Variants in A2M observed in about 807,000 individuals in gnomAD.
A2M encodes the protein C3 and PZP-like alpha-2-macroglobulin domain-containing protein 5.
Under a neutral mutation model 183.9 loss-of-function variants are expected in A2M, and 128 were observed. That is an observed-to-expected ratio of 0.70 (90% CI 0.60 to 0.81). The LOEUF is 0.81. Ranked by LOEUF, A2M falls within the 30% of genes least tolerant of loss-of-function variation. A2M has a pLI of 0.00. For synonymous variants in A2M, 592 were observed against 670.8 expected (o/e 0.88, Z 1.81); for missense variants, 1,495 against 1,787.6 (o/e 0.84, Z 2.95).
chr12:9,076,913 C>A lies in A2M; in HGVS notation c.3375G>T (p.Leu1125=). Residue 1125 remains leucine, a synonymous_variant, in exon 28 of 36, where the codon CTG becomes CTT. Transcript: ENST00000318602. ...TVTHPVVRNA[L]FCLESAWKTA... is the part of the protein sequence containing the mutation. ...TCTTCCAGGCTGACTCCAGGCAAAA[C>A]AGGGCATTGCGGACAACAGGGTGCT... 1.2e-6 allele frequency: 2 copies of A among 1,603,606 alleles called. No homozygotes were observed. Among genetic ancestry groups the A allele is most frequent in the South Asian group, 2.2e-5 (2 of 89,418 alleles).
upstream of A2M, chr12:9,116,199 C>T (rs1414693521): frequency 3.1e-6 from 1 of 324,408 alleles, no homozygotes; most frequent in African/African-American, 2.2e-5. Flanking sequence ...CCTCACAACG[C>T]CTTTTATGGT....
chr12:9,073,510 T>C (rs746886422), intron 29 of A2M, among the ~76,000 whole-genome samples: 1 of 152,226 alleles, frequency 6.6e-6, no homozygotes, highest in Non-Finnish European at 1.5e-5. Flanking sequence ...CTTCAAATAA[T>C]ATGTTTCTAA....
chr12:9,070,289 T>C (rs946983558), intron 32 of A2M, among the ~76,000 whole-genome samples, 199 bp downstream of exon 32: 3 of 152,230 alleles, frequency 2.0e-5, no homozygotes, highest in Non-Finnish European at 4.4e-5. Context: ...CTTTTTCTTG[T>C]AGTCATGGGT....
At chr12:9,094,878 TTTTG>T in intron 17 of A2M, 91 bp downstream of exon 17, 2 of 607,034 alleles carry the variant, frequency 3.3e-6, no homozygotes, top group South Asian at 7.8e-5. Flanking sequence ...CACATGTCCT[TTTTG>T]TTTGTTAATT....
chr12:9,113,602 A>G, intron 1 of A2M, 59 bp from the exon 2 acceptor site: 8 of 1,502,438 alleles, frequency 5.3e-6, no homozygotes, highest in Non-Finnish European at 6.4e-6. Flanking sequence ...TGCTATCAAC[A>G]GCACTTTTTT....
At chr12:9,105,500 A>C (rs771768497) in intron 10 of A2M, among the ~76,000 whole-genome samples, 3 of 152,170 alleles carry the variant, frequency 2.0e-5, no homozygotes, top group Non-Finnish European at 2.9e-5. Flanking sequence ...CATAGCTGAA[A>C]TCCTGTAACA....
intron 8 of A2M, 63 bp from the exon 9 acceptor site, chr12:9,106,668 C>A: frequency 2.4e-6 from 2 of 820,244 alleles, no homozygotes; most frequent in South Asian, 3.7e-5. Context: ...GATCAGTGGT[C>A]AGATAACCGG....
At chr12:9,099,287 C>A (rs1949478662) in intron 14 of A2M, 94 bp downstream of exon 14, 1 of 1,231,074 alleles carries the variant, frequency 8.1e-7, no homozygotes, top group African/African-American at 1.5e-5. Flanking sequence ...TTGTTTAACC[C>A]TTTTGGCCCT....
rs1424968408 is a variant in A2M at position 9,115,826 on chromosome 12, A to T, written c.24T>A (p.His8Gln). ...CCAAGAGGAGAAGAACCAGACTTGGATGAAGGAGTTTGTTCTTCCCCATGT... is the reference window on the plus strand; with the variant it reads ...CCAAGAGGAGAAGAACCAGACTTGGTTGAAGGAGTTTGTTCTTCCCCATGT... MGKNKLL[H>Q]PSLVLLLLVL... Residue 8 changes from histidine to glutamine, a missense_variant, in exon 1 of 36, where the codon CAT (histidine) becomes CAA (glutamine). Physicochemically the swap from His to Gln is conservative, Grantham distance 24. Transcript: ENST00000318602. The T allele has an allele frequency of 1.2e-6, 2 of 1,613,328 alleles. No homozygotes were observed. Among genetic ancestry groups the T allele is most frequent in the East Asian group, 4.5e-5 (2 of 44,882 alleles).
chr12:9,111,470 T>C (rs1938722297), intron 4 of A2M: 1 of 452,932 alleles, frequency 2.2e-6, no homozygotes, highest in African/African-American at 2.0e-5. Flanking sequence ...GAGATGACAT[T>C]GACTAGGACT....
At chr12:9,098,002 C>T (rs1949436638) in intron 15 of A2M, among the ~76,000 whole-genome samples, 1 of 152,190 alleles carries the variant, frequency 6.6e-6, no homozygotes, top group African/African-American at 2.4e-5. Flanking sequence ...ATATGTATCA[C>T]TTTTGTTAGG....
In A2M at chr12:9,109,391, C is replaced by A; in HGVS notation, c.688G>T (p.Glu230Ter). The A allele has an allele frequency of 6.2e-7, 1 of 1,612,756 alleles. No individual in the cohort carries two copies. The highest frequency in any genetic ancestry group is 1.3e-5 in the African/African-American group (1 of 75,024). ...ATCTTTGGCACTGTTACTTGTACTT[C>A]AAACTTGGGAAGAACTGTTGATTGG... Reference protein sequence around the residue: ...TVEEFVLPKFEVQVTVPKIIT... With the variant: ...TVEEFVLPKF The change falls in exon 7 of 36, where the codon GAA (glutamate) becomes TAA (stop). Residue 230 changes from glutamate (E) to a stop codon, truncating the protein, a stop_gained. Transcript: ENST00000318602. LOFTEE classifies it high-confidence loss of function.
At chr12:9,086,983 GT>G (rs1264316723) in intron 22 of A2M, among the ~76,000 whole-genome samples, 1 of 152,100 alleles carries the variant, frequency 6.6e-6, no homozygotes, top group East Asian at 1.9e-4. Context: ...AGTATTTTCT[GT>G]TCACTAACAA....
intron 18 of A2M, among the ~76,000 whole-genome samples, chr12:9,093,109 C>T (rs1030953881): frequency 1.8e-4 from 28 of 152,200 alleles, no homozygotes; most frequent in African/African-American, 6.5e-4. Flanking sequence ...TGGGAAGAAG[C>T]AGGTCAAAGG....
intron 8 of A2M, among the ~76,000 whole-genome samples, chr12:9,107,061 C>A (rs1938349225): frequency 6.6e-6 from 1 of 152,130 alleles, no homozygotes; most frequent in Non-Finnish European, 1.5e-5. Context: ...AGTACATCTG[C>A]TCTTGACCAT....
At chr12:9,078,263 C>T (rs1434700953) in intron 25 of A2M, among the ~76,000 whole-genome samples, 2 of 130,958 alleles carry the variant, frequency 1.5e-5, no homozygotes, top group East Asian at 3.9e-4. Context: ...CATTGCTTAA[C>T]TCCCACTTAT....
intron 4 of A2M, among the ~76,000 whole-genome samples, chr12:9,111,000 A>G (rs1170607558): frequency 3.3e-5 from 5 of 152,234 alleles, no homozygotes; most frequent in Non-Finnish European, 5.9e-5. Context: ...TTATGTAACT[A>G]TAAGTAAATA....
rs760805242 is a variant in A2M, at chr12:9,099,414, T to A, written c.1668A>T (p.Ala556=). 108 of 1,571,432 alleles carry A rather than the reference T, an allele frequency of 6.9e-5. No individual in the cohort carries two copies. The highest frequency in any genetic ancestry group is 7.6e-5 in the Non-Finnish European group (88 of 1,157,934). Residue 556 remains alanine, a synonymous_variant, in exon 14 of 36, where the codon GCA becomes GCT. Transcript: ENST00000318602. ...LPTGDVIGDS[A]KYDVENCLAN... is the part of the protein sequence containing the mutation. ...CCAGACAATTTTCAACATCATATTT[T>A]GCAGAATCCCCAATCACGTCCCCGG...
At chr12:9,110,533 C>T (rs999776851) in intron 4 of A2M, among the ~76,000 whole-genome samples, 199 bp from the exon 5 acceptor site, 2 of 151,692 alleles carry the variant, frequency 1.3e-5, no homozygotes, top group Non-Finnish European at 2.9e-5. Flanking sequence ...GGGATGGGTA[C>T]TCCATTTATT....
Sources: allele counts gnomAD v4.1 joint callset (sites outside exome capture counted in the v4.1 genomes callset), GRCh38; gene constraint gnomAD v4.1.1; transcripts MANE v1.5; gene names NCBI Gene and HGNC (gene_info 2026-07-23, HGNC 2026-07-21).